The following CRAT variants were observed in gnomAD, a reference collection of about 807,000 sequenced individuals.
CRAT encodes carnitine acetylase.
Under a neutral mutation model 73.7 loss-of-function variants are expected in CRAT, and 66 were observed. The ratio of observed to expected loss-of-function variants is 0.90; its 90% CI spans 0.73 to 1.10. CRAT has a LOEUF of 1.10. Among genes scored for constraint, CRAT ranks in the 50% least tolerant of loss-of-function variants. The pLI is 0.00. For missense variants in CRAT, 745 were observed against 846.9 expected (o/e 0.88, Z 1.49); for synonymous variants, 321 against 343.2 (o/e 0.94, Z 0.71).
Position 129,095,327 on chromosome 9 carries a change from T to A in CRAT, c.*70A>T. Reference sequence around the variant, plus strand: ...ACCAAGGAAGAGGGAACCAAGGAGCTGAGCCCTGGTGGGTGGCCCATCCCA... The same window carrying A: ...ACCAAGGAAGAGGGAACCAAGGAGCAGAGCCCTGGTGGGTGGCCCATCCCA... On this transcript the variant is annotated 3_prime_UTR_variant, in exon 14 of 14. Transcript: ENST00000318080. 1 of 1,500,168 alleles carries A rather than the reference T, an allele frequency of 6.7e-7. No homozygotes were observed. Among genetic ancestry groups the A allele is most frequent in the South Asian group, 1.1e-5 (1 of 88,032 alleles). 92.9% of individuals were successfully genotyped at this position (1,500,168 alleles called of 1,614,324 possible). A position where few individuals can be genotyped will look rare whatever the true frequency, so the allele number is the denominator to read the frequency against.
rs1847345756 is a variant in CRAT, at chr9:129,097,328, T to A, written c.1465-16A>T. 1 of 1,556,684 alleles carries A rather than the reference T, an allele frequency of 6.4e-7. No homozygotes were observed. The highest frequency in any genetic ancestry group is 2.0e-5 in the Admixed American group (1 of 51,054). On this transcript the variant is annotated splice_polypyrimidine_tract_variant and intron_variant, in intron 11 of 13. Coordinates refer to ENST00000318080, the MANE Select transcript of CRAT (RefSeq NM_000755.5). ...TCTGGTGCTCCTAGAGTGGTGAGGGTCAGAGGGAGCTGAAGCACTGTCCCT... is the reference window on the plus strand; with the variant it reads ...TCTGGTGCTCCTAGAGTGGTGAGGGACAGAGGGAGCTGAAGCACTGTCCCT...
intron 7 of CRAT, 37 bp from the exon 8 acceptor site, chr9:129,100,003 G>A: frequency 6.3e-7 from 1 of 1,589,802 alleles, no homozygotes; most frequent in Non-Finnish European, 8.6e-7. Context: ...CAGCCCCAGG[G>A]CCCTGGGGGG....
intron 1 of CRAT, chr9:129,108,550 T>G (rs1021419971): frequency 8.9e-7 from 1 of 1,127,200 alleles, no homozygotes; most frequent in Non-Finnish European, 1.1e-6. Context: ...CACCTTCGGG[T>G]GAGGGGCCTT....
Position 129,102,578 on chromosome 9 carries a change from G to C in CRAT, c.465-13C>G. On this transcript the variant is annotated splice_polypyrimidine_tract_variant and intron_variant, in intron 4 of 13. Coordinates refer to ENST00000318080, the MANE Select transcript of CRAT (RefSeq NM_000755.5). Reference sequence around the variant, plus strand: ...GGGCAGGGTCTCGCTATGGGGTAGAGGGGCAGTGAGGCCACCACTGGGCAA... The same window carrying C: ...GGGCAGGGTCTCGCTATGGGGTAGACGGGCAGTGAGGCCACCACTGGGCAA... 1 of 1,613,438 alleles carries C rather than the reference G, an allele frequency of 6.2e-7. No homozygotes were observed. Among genetic ancestry groups the C allele is most frequent in the East Asian group, 2.2e-5 (1 of 44,848 alleles).
At chr9:129,102,619 G>C (rs1225132824) in intron 4 of CRAT, 54 bp from the exon 5 acceptor site, 2 of 1,598,226 alleles carry the variant, frequency 1.3e-6, no homozygotes, top group African/African-American at 2.7e-5. Context: ...TGGGGAGGAG[G>C]GCAGGGTAGA....
At chr9:129,099,436 T>C (rs1847516153) in intron 8 of CRAT, among the ~76,000 whole-genome samples, 1 of 149,856 alleles carries the variant, frequency 6.7e-6, no homozygotes, top group South Asian at 2.1e-4. Flanking sequence ...ATTTTTTTTT[T>C]TTTTTTTTGA....
At position 129,099,853 on chromosome 9, in the gene CRAT, T is replaced by C; in HGVS notation, c.1085+13A>G. 6.3e-7 allele frequency: 1 copy of C among 1,599,680 alleles called. No individual in the cohort carries two copies. Among genetic ancestry groups the C allele is most frequent in the East Asian group, 2.2e-5 (1 of 44,622 alleles). On this transcript the variant is annotated intron_variant, in intron 8 of 13. Coordinates refer to ENST00000318080, the MANE Select transcript of CRAT (RefSeq NM_000755.5). ...AAGCTGGGGAACTAGGCGAGAGATG[T>C]GACTGTACTCACGTGTACTCGATGA...
chr9:129,108,298 G>T, intron 1 of CRAT: 2 of 1,101,670 alleles, frequency 1.8e-6, no homozygotes, highest in African/African-American at 1.6e-5. Context: ...TGTGGCCATG[G>T]TTCTTAGCAA....
chr9:129,098,461 C>T lies in CRAT; in HGVS notation c.1205+70G>A. 5.7e-6 allele frequency: 9 copies of T among 1,589,638 alleles called. No homozygotes were observed. The Admixed American group carries it at 1.0e-4, about 18-fold the overall frequency. ...TCTGGGTGTCATGACAGAGCTGGCACAGGAGCCTCTCAAGCTCAAGGGCCT... is the reference window on the plus strand; with the variant it reads ...TCTGGGTGTCATGACAGAGCTGGCATAGGAGCCTCTCAAGCTCAAGGGCCT... On this transcript the variant is annotated intron_variant, in intron 9 of 13. Transcript: ENST00000318080.
rs1389222640 is a variant in CRAT, at chr9:129,110,490, C to G, written c.20G>C (p.Arg7Thr). 1 of 1,583,958 alleles carries G rather than the reference C, an allele frequency of 6.3e-7. No individual in the cohort carries two copies. The highest frequency in any genetic ancestry group is 8.5e-7 in the Non-Finnish European group (1 of 1,171,684). ...GGGATCCGCCGCACTCACCACGGTC[C>G]TGGCAGCGAAGGCTAACATCTTCGC... The part of the protein sequence containing the change: MLAFAA[R>T]TVVKPLGFLK... Residue 7 changes from arginine (R) to threonine (T), a missense_variant, in exon 1 of 14, where the codon AGG (arginine) becomes ACG (threonine). Transcript: ENST00000318080. This position sits in a 1 kb window ranked among gnomAD's most constrained non-coding sequence, Gnocchi z 5.3.
chr9:129,108,470 T>C, intron 1 of CRAT: 2 of 1,161,080 alleles, frequency 1.7e-6, no homozygotes, highest in African/African-American at 1.6e-5. Flanking sequence ...CACGTCCTTT[T>C]CTCCCACCCT....
In CRAT at chr9:129,110,661, C is replaced by T. The variant is rs888878837; in HGVS notation, c.-152G>A. Reference sequence around the variant, plus strand: ...ACAGCCGCCAGCCGGTAGAGGCAGCCCCGCGCCCACCCTCTGGGCCGAGCG... The same window carrying T: ...ACAGCCGCCAGCCGGTAGAGGCAGCTCCGCGCCCACCCTCTGGGCCGAGCG... On this transcript the variant is annotated 5_prime_UTR_variant, in exon 1 of 14. Coordinates refer to ENST00000318080, the MANE Select transcript of CRAT (RefSeq NM_000755.5). This position sits in a 1 kb window ranked among gnomAD's most constrained non-coding sequence, Gnocchi z 5.3. 202 of 936,618 alleles carry T rather than the reference C, an allele frequency of 2.2e-4. 3 individuals carry two copies. The highest frequency in any genetic ancestry group is 2.1e-3 in the South Asian group (103 of 49,710). The allele number at this position is 936,618 out of a possible 1,614,324, so 58.0% of individuals were successfully genotyped here. A position where few individuals can be genotyped will look rare whatever the true frequency, so the allele number is the denominator to read the frequency against.
At chr9:129,100,738 G>T in intron 6 of CRAT, 49 bp from the exon 7 acceptor site, 2 of 1,570,380 alleles carry the variant, frequency 1.3e-6, no homozygotes, top group South Asian at 1.2e-5. Flanking sequence ...CTCATGGTGT[G>T]GGAGAGATGG....
In CRAT at chr9:129,107,628, T is replaced by C. The variant is rs1234147760; in HGVS notation, c.291+186A>G. On this transcript the variant is annotated intron_variant, in intron 2 of 13. Transcript: ENST00000318080. The surrounding 1 kb of genome is among the most constrained non-coding windows in gnomAD (Gnocchi z 5.0). The stretch of plus-strand genomic sequence containing the variant: ...TACCTTTCTCTCCTCCCTACTTGAA[T>C]GTTAGCTCCAAGGAGCTGGTGACTG... The C allele has an allele frequency of 2.5e-6, 2 of 794,446 alleles. No homozygotes were observed. Among genetic ancestry groups the C allele is most frequent in the South Asian group, 1.4e-5 (1 of 69,166 alleles). The allele number at this position is 794,446 out of a possible 1,614,324, so 49.2% of individuals were successfully genotyped here. A position where few individuals can be genotyped will look rare whatever the true frequency, so the allele number is the denominator to read the frequency against.
chr9:129,108,271 G>T, intron 1 of CRAT, 194 bp from the exon 2 acceptor site: 40 of 907,658 alleles, frequency 4.4e-5, no homozygotes, highest in Middle Eastern at 3.7e-4. Flanking sequence ...TGCAGGTAGG[G>T]ATGGGGGAGG....
chr9:129,099,844 C>T lies in CRAT; in HGVS notation c.1085+22G>A, dbSNP rs377491113. The T allele has an allele frequency of 1.4e-4, 218 of 1,574,090 alleles. No homozygotes were observed. The Admixed American group carries it at 1.4e-3, about 10-fold the overall frequency. ...TGTCACTAGAAGCTGGGGAACTAGG[C>T]GAGAGATGTGACTGTACTCACGTGT... On this transcript the variant is annotated intron_variant, in intron 8 of 13. Transcript: ENST00000318080.
rs2131443020 is a variant in CRAT at position 129,098,048 on chromosome 9, T to C, written c.1429A>G (p.Thr477Ala). 6.2e-7 allele frequency: 1 copy of C among 1,613,770 alleles called. No homozygotes were observed. Among genetic ancestry groups the C allele is most frequent in the Non-Finnish European group, 8.5e-7 (1 of 1,179,992 alleles). The change falls in exon 11 of 14, where the codon ACC becomes GCC. Residue 477 changes from threonine to alanine, a missense_variant. By Grantham distance (58) the Thr-to-Ala change is moderately conservative. Coordinates refer to ENST00000318080, the MANE Select transcript of CRAT (RefSeq NM_000755.5). ...GAGTCATCCATGGCCTTGACAAAGG[T>C]GAGTGAGTCCATGGAAGCCGAGCGG... is the stretch of plus-strand genomic sequence containing the variant. ...TIRSASMDSL[T>A]FVKAMDDSSV...
At chr9:129,098,839 A>G (rs59221517) in intron 8 of CRAT, among the ~76,000 whole-genome samples, 189 bp from the exon 9 acceptor site, 2 of 142,228 alleles carry the variant, frequency 1.4e-5, no homozygotes, top group African/African-American at 5.5e-5. Context: ...TTTTAGATGG[A>G]GTCTTGCTCT....
Position 129,096,043 on chromosome 9 carries a change from G to T in CRAT, c.1620C>A (p.Asp540Glu), listed in dbSNP as rs755187741. 7 of 1,614,078 alleles carry T rather than the reference G, an allele frequency of 4.3e-6. No homozygotes were observed. The South Asian group carries it at 7.7e-5, about 18-fold the overall frequency. Reference protein sequence around the residue: ...DLVSMPDIFMDTSYAIAMHFH... With the variant: ...DLVSMPDIFMETSYAIAMHFH... ...AGTGCATGGCGATGGCGTAGGAGGT[G>T]TCCATGAAGATGTCGGGCATGCTCA... The change falls in exon 13 of 14, where the codon GAC becomes GAA. Residue 540 changes from aspartate to glutamate, a missense_variant. By Grantham distance (45) the Asp-to-Glu change is conservative (BLOSUM62 2). Coordinates refer to ENST00000318080, the MANE Select transcript of CRAT (RefSeq NM_000755.5).
Sources: allele counts gnomAD v4.1 joint callset (sites outside exome capture counted in the v4.1 genomes callset), GRCh38; gene constraint gnomAD v4.1.1; non-coding constraint Gnocchi (gnomAD v3.1); transcripts MANE v1.5; gene names NCBI Gene and HGNC (gene_info 2026-07-23, HGNC 2026-07-21).